The following EFHC2 variants were observed in gnomAD, a reference collection of about 807,000 sequenced individuals.
The protein encoded by EFHC2 is EF-hand domain-containing family member C2.
Under a neutral mutation model 52.7 loss-of-function variants are expected in EFHC2, and 18 were observed. The ratio of observed to expected loss-of-function variants is 0.34; its 90% CI spans 0.24 to 0.51. The LOEUF (loss-of-function observed/expected upper bound fraction) is 0.51. EFHC2 is among the 20% of genes least tolerant of loss of function. EFHC2 has a pLI of 0.97. For synonymous variants in EFHC2, 203 were observed against 204.1 expected, an observed-to-expected ratio of 0.99 and a Z score of 0.04; for missense variants, 513 against 562.5, an observed-to-expected ratio of 0.91 and a Z score of 0.89.
At chrX:44,325,971 C>T (rs758878261) in intron 1 of EFHC2, among the ~76,000 whole-genome samples, 8 of 107,406 alleles carry the variant, frequency 7.4e-5, no homozygotes, top group East Asian at 2.9e-4. Flanking sequence ...CAGCTCACTG[C>T]GGCCTTGACT....
chrX:44,204,271 T>G (rs1602149740), intron 11 of EFHC2, among the ~76,000 whole-genome samples: 1 of 95,406 alleles, frequency 1.0e-5, no homozygotes, highest in Non-Finnish European at 2.1e-5. Context: ...CAGCCTCAGA[T>G]GAGAAGGAAT....
chrX:44,319,152 C>T (rs1021535105), intron 1 of EFHC2, among the ~76,000 whole-genome samples: 8 of 108,934 alleles, frequency 7.3e-5, no homozygotes, highest in Non-Finnish European at 5.7e-5. Context: ...TACAGGTGCC[C>T]ACCACTACAC....
At chrX:44,335,995 G>A (rs111802652) in intron 1 of EFHC2, among the ~76,000 whole-genome samples, 8 of 109,211 alleles carry the variant, frequency 7.3e-5, no homozygotes, top group Non-Finnish European at 1.3e-4. Context: ...TAGAAGACAC[G>A]AACAGACATT....
intron 2 of EFHC2, among the ~76,000 whole-genome samples, chrX:44,303,587 G>A (rs940270813): frequency 3.2e-4 from 34 of 105,327 alleles, no homozygotes; most frequent in African/African-American, 1.1e-3. Context: ...CTTAGGGTAT[G>A]TTTTTTCCCT....
intron 2 of EFHC2, among the ~76,000 whole-genome samples, chrX:44,306,339 C>A (rs2037905157): frequency 9.0e-6 from 1 of 111,265 alleles, no homozygotes; most frequent in Admixed American, 9.6e-5. Flanking sequence ...TAGTTCCAGA[C>A]AGGAAAAACA....
intron 11 of EFHC2, among the ~76,000 whole-genome samples, chrX:44,189,122 C>CAAAAA (rs35770665): frequency 4.3e-5 from 2 of 46,384 alleles, no homozygotes; most frequent in African/African-American, 7.8e-5. Flanking sequence ...GACTCTATCT[C>CAAAAA]AAAAAAAAAA....
chrX:44,206,391 A>T (rs2037048980), intron 11 of EFHC2, among the ~76,000 whole-genome samples: 1 of 111,752 alleles, frequency 8.9e-6, no homozygotes, highest in Non-Finnish European at 1.9e-5. Context: ...AATAAAAGGC[A>T]TCCAAATAGG....
At chrX:44,333,335 A>G (rs769066143) in intron 1 of EFHC2, among the ~76,000 whole-genome samples, 1 of 111,307 alleles carries the variant, frequency 9.0e-6, no homozygotes, top group South Asian at 3.9e-4. Flanking sequence ...AGGGAAGGTC[A>G]GGATCTAGAT....
chrX:44,294,994 A>T lies in EFHC2; in HGVS notation c.231+17574T>A, dbSNP rs976852114. On this transcript the variant is annotated intron_variant, in intron 2 of 14. Transcript: ENST00000420999. ...TCTTATCTCATTTACTCCTCACAAAACACCAATAAAGTAGGTAATACTGTG... is the reference window on the plus strand; with the variant it reads ...TCTTATCTCATTTACTCCTCACAAATCACCAATAAAGTAGGTAATACTGTG... Among the ~76,000 whole-genome samples, 5 of 111,997 alleles carry T rather than the reference A, an allele frequency of 4.5e-5. No homozygotes were observed. The East Asian group carries it at 1.4e-3, about 31-fold the overall frequency.
chrX:44,152,405 G>C lies in EFHC2; in HGVS notation c.2149-3509C>G, dbSNP rs187626621. Reference sequence around the variant, plus strand: ...CTCGTCTGCGGGGCTACCCTCCAGAGCTGACAAGGATCTATTCAGAAGCAG... The same window carrying C: ...CTCGTCTGCGGGGCTACCCTCCAGACCTGACAAGGATCTATTCAGAAGCAG... On this transcript the variant is annotated intron_variant, in intron 14 of 14. Coordinates refer to ENST00000420999, the MANE Select transcript of EFHC2 (RefSeq NM_025184.4). Among the ~76,000 whole-genome samples, 10 of 111,928 alleles carry C rather than the reference G, an allele frequency of 8.9e-5. No homozygotes were observed. In the East Asian group the frequency reaches 2.8e-3, roughly 32 times the overall value.
At chrX:44,277,307 C>G in intron 2 of EFHC2, among the ~76,000 whole-genome samples, 1 of 108,239 alleles carries the variant, frequency 9.2e-6, no homozygotes, top group East Asian at 2.9e-4. Context: ...TCTAGAGAAG[C>G]TGTCAGGAAA....
chrX:44,152,980 C>T (rs1379611821), intron 14 of EFHC2, among the ~76,000 whole-genome samples: 1 of 111,798 alleles, frequency 8.9e-6, no homozygotes, highest in Admixed American at 9.5e-5. Flanking sequence ...AGAAATAATG[C>T]ATTATGTAAC....
At chrX:44,177,928 C>G (rs1250026092) in intron 12 of EFHC2, among the ~76,000 whole-genome samples, 6 of 108,665 alleles carry the variant, frequency 5.5e-5, no homozygotes, top group Non-Finnish European at 1.1e-4. Flanking sequence ...ACAAGACTAG[C>G]CTGGCCAACA....
At chrX:44,283,002 G>A (rs746411189) in intron 2 of EFHC2, among the ~76,000 whole-genome samples, 1 of 110,406 alleles carries the variant, frequency 9.1e-6, no homozygotes, top group South Asian at 3.9e-4. Flanking sequence ...TCCCGACTCG[G>A]CTTCTACAGT....
At chrX:44,208,274 G>A (rs2037064168) in intron 11 of EFHC2, among the ~76,000 whole-genome samples, 1 of 111,959 alleles carries the variant, frequency 8.9e-6, no homozygotes. Context: ...AGAAAGTGTG[G>A]TACATATACA....
At chrX:44,187,160 ACTCCAT>A (rs2036883115) in intron 11 of EFHC2, among the ~76,000 whole-genome samples, 3 of 51,942 alleles carry the variant, frequency 5.8e-5, no homozygotes, top group East Asian at 5.2e-4. Flanking sequence ...TATGGGCTTT[ACTCCAT>A]TATAAAAGTA....
chrX:44,247,972 A>AC (rs974188520), intron 7 of EFHC2, among the ~76,000 whole-genome samples: 15 of 110,446 alleles, frequency 1.4e-4, no homozygotes, highest in African/African-American at 4.3e-4. Context: ...CAAAACATTT[A>AC]CCCCCCCAGC....
intron 1 of EFHC2, among the ~76,000 whole-genome samples, chrX:44,317,712 C>T (rs1006843635): frequency 2.7e-5 from 3 of 113,120 alleles, no homozygotes; most frequent in Non-Finnish European, 5.6e-5. Flanking sequence ...CTTGCGCTCA[C>T]GAGGCTGAGG....
At chrX:44,245,299 A>G (rs2037391780) in intron 7 of EFHC2, among the ~76,000 whole-genome samples, 1 of 112,394 alleles carries the variant, frequency 8.9e-6, no homozygotes, top group Non-Finnish European at 1.9e-5. Context: ...AACAAGAATG[A>G]ACAATCTTGT....
Sources: allele counts gnomAD v4.1 joint callset (sites outside exome capture counted in the v4.1 genomes callset), GRCh38; gene constraint gnomAD v4.1.1; transcripts MANE v1.5; gene names NCBI Gene and HGNC (gene_info 2026-07-23, HGNC 2026-07-21).